ATL3: variants seen among roughly 807,000 people sequenced by gnomAD.
ATL3 encodes the protein atlastin-3.
A neutral mutation model predicts 69.5 loss-of-function variants in ATL3; 49 were observed. That is an observed-to-expected ratio of 0.71 (90% CI 0.56 to 0.89). The LOEUF (loss-of-function observed/expected upper bound fraction) is 0.89. Ranked by LOEUF, ATL3 falls within the 40% of genes least tolerant of loss-of-function variation. The pLI is 0.00. For missense variants in ATL3, 606 were observed against 645.7 expected, an observed-to-expected ratio of 0.94 and a Z score of 0.67; for synonymous variants, 214 against 224.1, an observed-to-expected ratio of 0.95 and a Z score of 0.40.
At chr11:63,644,688 G>C (rs1939811671) in intron 6 of ATL3, among the ~76,000 whole-genome samples, 1 of 152,068 alleles carries the variant, frequency 6.6e-6, no homozygotes, top group African/African-American at 2.4e-5. Context: ...ACCACACCCG[G>C]CCAGATTTAT....
At chr11:63,658,640 TCTTA>T (rs995198896) in intron 3 of ATL3, 117 bp downstream of exon 3, 25 of 1,164,068 alleles carry the variant, frequency 2.1e-5, no homozygotes, top group Non-Finnish European at 2.6e-5. Context: ...TTTTAACTTT[TCTTA>T]CTTTACCCAT....
intron 8 of ATL3, among the ~76,000 whole-genome samples, chr11:63,642,396 A>G (rs1468745269): frequency 6.6e-6 from 1 of 152,238 alleles, no homozygotes; most frequent in Non-Finnish European, 1.5e-5. Flanking sequence ...GGATCAACTA[A>G]ATCAAATAGG....
At chr11:63,659,485 T>C (rs1430418319) in intron 1 of ATL3, among the ~76,000 whole-genome samples, 1 of 152,040 alleles carries the variant, frequency 6.6e-6, no homozygotes, top group Non-Finnish European at 1.5e-5. Flanking sequence ...TAGCCATATG[T>C]AGTGGTGTAT....
At chr11:63,632,331 T>C in intron 11 of ATL3, 2 of 845,224 alleles carry the variant, frequency 2.4e-6, no homozygotes, top group Admixed American at 3.4e-5. Flanking sequence ...TCATGTGTTC[T>C]GGACCATCAA....
chr11:63,666,259 G>A (rs1272766885), intron 1 of ATL3, among the ~76,000 whole-genome samples: 1 of 152,154 alleles, frequency 6.6e-6, no homozygotes, highest in African/African-American at 2.4e-5. Flanking sequence ...GGCTGGTCTC[G>A]AACTCCTGAC....
chr11:63,655,031 G>C (rs1434161349), intron 3 of ATL3, among the ~76,000 whole-genome samples: 1 of 151,992 alleles, frequency 6.6e-6, no homozygotes, highest in African/African-American at 2.4e-5. Context: ...ATAGGATGTA[G>C]ACTTGTGGAT....
intron 7 of ATL3, 80 bp from the exon 8 acceptor site, chr11:63,643,575 G>A: frequency 7.5e-7 from 1 of 1,325,942 alleles, no homozygotes; most frequent in Non-Finnish European, 1.0e-6. Flanking sequence ...AAGGACAAAG[G>A]AAAGAAGACT....
chr11:63,655,450 CTTT>C (rs779379886), intron 3 of ATL3, among the ~76,000 whole-genome samples: 5 of 135,012 alleles, frequency 3.7e-5, no homozygotes, highest in Non-Finnish European at 4.8e-5. Flanking sequence ...CGCATCTGGC[CTTT>C]TTTTTTTTTT....
intron 1 of ATL3, among the ~76,000 whole-genome samples, chr11:63,661,114 T>C (rs1940406358): frequency 6.6e-6 from 1 of 150,774 alleles, no homozygotes; most frequent in African/African-American, 2.4e-5. Context: ...TCCCAGCTAC[T>C]GAAGAGGCTG....
At chr11:63,651,895 T>C in intron 5 of ATL3, 41 bp downstream of exon 5, 1 of 1,562,820 alleles carries the variant, frequency 6.4e-7, no homozygotes, top group African/African-American at 1.4e-5. Context: ...CTTAAAACTT[T>C]TAAATAATAT....
intron 1 of ATL3, among the ~76,000 whole-genome samples, chr11:63,663,045 C>G (rs1590745338): frequency 6.6e-6 from 1 of 152,170 alleles, no homozygotes; most frequent in Admixed American, 6.5e-5. Context: ...GCAAGACTCT[C>G]TCCCCTTCAA....
intron 3 of ATL3, among the ~76,000 whole-genome samples, chr11:63,653,962 T>C (rs995055184): frequency 2.0e-5 from 3 of 152,054 alleles, no homozygotes; most frequent in Non-Finnish European, 2.9e-5. Flanking sequence ...ACACAATGAG[T>C]GAGCCCTAAA....
Position 63,643,632 on chromosome 11 carries a change from C to G in ATL3, c.712-137G>C, listed in dbSNP as rs573716280. On this transcript the variant is annotated intron_variant, in intron 7 of 12. Coordinates refer to ENST00000398868, the MANE Select transcript of ATL3 (RefSeq NM_015459.5). ...GTGGCCAAATGAGAAAACTCAGAAC[C>G]CTAAGAAGCAATAAACACACAAATC... is the stretch of plus-strand genomic sequence containing the variant. 1.1e-5 allele frequency: 8 copies of G among 715,878 alleles called. No homozygotes were observed. The East Asian group carries it at 2.3e-4, about 20-fold the overall frequency. The allele number at this position is 715,878 out of a possible 1,614,324, so 44.3% of individuals were successfully genotyped here. A position where few individuals can be genotyped will look rare whatever the true frequency, so the allele number is the denominator to read the frequency against.
At chr11:63,638,386 ATCTGATGAAAAGTAT>A (rs896380762) in intron 8 of ATL3, among the ~76,000 whole-genome samples, 112 of 152,304 alleles carry the variant, frequency 7.4e-4, no homozygotes, top group African/African-American at 2.6e-3. Flanking sequence ...GTCATCTTGC[ATCTGATGAAAAGTAT>A]TCTCAAAAAG....
intron 5 of ATL3, among the ~76,000 whole-genome samples, chr11:63,648,716 G>A (rs1483859306): frequency 1.3e-5 from 2 of 152,138 alleles, no homozygotes; most frequent in African/African-American, 2.4e-5. Context: ...GGCTGAGGCA[G>A]GAGAATTGCT....
intron 1 of ATL3, among the ~76,000 whole-genome samples, chr11:63,664,928 G>C (rs894614622): frequency 1.3e-5 from 2 of 152,170 alleles, no homozygotes; most frequent in Non-Finnish European, 2.9e-5. Context: ...TAAAATGAAT[G>C]AATGACATGT....
chr11:63,651,267 C>G (rs1262082691), intron 5 of ATL3, among the ~76,000 whole-genome samples: 1 of 151,972 alleles, frequency 6.6e-6, no homozygotes, highest in African/African-American at 2.4e-5. Context: ...CCAGCCGGAC[C>G]GACATGGTGA....
intron 6 of ATL3, 102 bp from the exon 7 acceptor site, chr11:63,644,363 G>T: frequency 3.1e-6 from 2 of 645,734 alleles, no homozygotes; most frequent in South Asian, 3.5e-5. Flanking sequence ...TACAAAGGGG[G>T]TAAAGTAGAA....
At chr11:63,665,824 AC>A (rs1193891764) in intron 1 of ATL3, among the ~76,000 whole-genome samples, 2 of 151,898 alleles carry the variant, frequency 1.3e-5, no homozygotes, top group African/African-American at 4.8e-5. Flanking sequence ...CAGTAAGTCA[AC>A]CACTGCACTA....
Sources: gnomAD v4.1 joint callset for allele counts (sites outside exome capture counted in the v4.1 genomes callset) on GRCh38, gnomAD v4.1.1 for gene constraint, MANE v1.5 for transcripts, NCBI Gene and HGNC (gene_info 2026-07-23, HGNC 2026-07-21) for gene names.